The following GRIA4 variants were observed in gnomAD, a reference collection of about 807,000 sequenced individuals.
GRIA4 encodes the protein glutamate ionotropic receptor AMPA type subunit 4.
GRIA4 carries 34 observed loss-of-function variants against 104.0 expected under a neutral mutation model. The ratio of observed to expected loss-of-function variants is 0.33; its 90% CI spans 0.25 to 0.44. GRIA4 has a LOEUF of 0.44. Ranked by LOEUF, GRIA4 falls within the 20% of genes least tolerant of loss-of-function variation. The pLI, the probability that GRIA4 is intolerant of heterozygous loss-of-function variation, is 1.00. For missense variants in GRIA4, 750 were observed against 1,096.5 expected (o/e 0.68, Z 4.46); for synonymous variants, 386 against 381.9 (o/e 1.01, Z -0.13).
In GRIA4 at chr11:105,753,109, G is replaced by T. The variant is rs558432196; in HGVS notation, c.376G>T (p.Gly126Trp). The T allele has an allele frequency of 8.7e-6, 14 of 1,613,824 alleles. No homozygotes were observed. The highest frequency in any genetic ancestry group is 6.7e-5 in the East Asian group (3 of 44,826). Residue 126 changes from glycine to tryptophan, a missense_variant, in exon 4 of 17, where the codon GGG becomes TGG. By Grantham distance (184) the Gly-to-Trp change is radical. Around this residue, in one of 3 missense-constraint regions of GRIA4, gnomAD observed 410 missense variants for 502.7 expected, o/e 0.82. Transcript: ENST00000282499. ...SLITPSFPTE[G>W]ESQFVLQLRP... Reference sequence around the variant, plus strand: ...CATCACACCAAGTTTCCCTACTGAGGGGGAGAGCCAGTTTGTGCTGCAACT... The same window carrying T: ...CATCACACCAAGTTTCCCTACTGAGTGGGAGAGCCAGTTTGTGCTGCAACT...
chr11:105,702,297 A>T (rs1953526076), intron 3 of GRIA4, among the ~76,000 whole-genome samples: 1 of 152,182 alleles, frequency 6.6e-6, no homozygotes, highest in Non-Finnish European at 1.5e-5. Context: ...AATTAAATAT[A>T]AAATAAAGCA....
intron 4 of GRIA4, among the ~76,000 whole-genome samples, chr11:105,766,037 AGGG>A (rs61611231): frequency 0.14 from 20,699 of 152,186 alleles, 1,533 homozygotes; most frequent in Admixed American, 0.22. Flanking sequence ...GATTTACACA[AGGG>A]GGTGACTATG....
At chr11:105,679,678 G>T (rs911965052) in intron 3 of GRIA4, among the ~76,000 whole-genome samples, 3 of 151,676 alleles carry the variant, frequency 2.0e-5, no homozygotes, top group African/African-American at 7.3e-5. Context: ...ATAAGAACAG[G>T]AAAAAAAGAT....
At chr11:105,857,513 C>T (rs1945050021) in intron 4 of GRIA4, among the ~76,000 whole-genome samples, 1 of 152,144 alleles carries the variant, frequency 6.6e-6, no homozygotes. Flanking sequence ...TTCTCCTTCC[C>T]AAACCAGTTC....
chr11:105,735,148 T>C (rs1938853097), intron 3 of GRIA4, among the ~76,000 whole-genome samples: 1 of 152,048 alleles, frequency 6.6e-6, no homozygotes, highest in Non-Finnish European at 1.5e-5. Context: ...ACATGAAATA[T>C]TATTCAAAAA....
intron 4 of GRIA4, among the ~76,000 whole-genome samples, chr11:105,764,557 A>AC (rs1228636976): frequency 6.6e-6 from 1 of 152,086 alleles, no homozygotes; most frequent in African/African-American, 2.4e-5. Context: ...TCTTAAAAAT[A>AC]CCCTTCTAAA....
chr11:105,789,384 C>G (rs1188738384), intron 4 of GRIA4, among the ~76,000 whole-genome samples: 1 of 152,090 alleles, frequency 6.6e-6, no homozygotes, highest in Non-Finnish European at 1.5e-5. Flanking sequence ...ATGATTCAAG[C>G]CCCCATTGAT....
At chr11:105,978,206 G>T (rs1859086941) in intron 16 of GRIA4, among the ~76,000 whole-genome samples, 1 of 151,972 alleles carries the variant, frequency 6.6e-6, no homozygotes, top group East Asian at 1.9e-4. Flanking sequence ...TTTACTGAGT[G>T]CCTATTATGT....
At chr11:105,957,780 A>G (rs2136253392) in intron 14 of GRIA4, among the ~76,000 whole-genome samples, 1 of 152,148 alleles carries the variant, frequency 6.6e-6, no homozygotes, top group South Asian at 2.1e-4. Context: ...GTCCTCTTTT[A>G]TTTCATTGAG....
intron 13 of GRIA4, among the ~76,000 whole-genome samples, chr11:105,928,645 C>G (rs1232689625): frequency 6.6e-6 from 1 of 151,946 alleles, no homozygotes. Context: ...TTGCACTTTA[C>G]TGAAAATTGA....
intron 3 of GRIA4, among the ~76,000 whole-genome samples, chr11:105,738,605 A>G (rs1939106782): frequency 6.6e-6 from 1 of 152,148 alleles, no homozygotes; most frequent in African/African-American, 2.4e-5. Context: ...ATTCCATTCC[A>G]TTTTTAATTG....
intron 6 of GRIA4, among the ~76,000 whole-genome samples, chr11:105,892,851 A>C (rs1359142328): frequency 6.6e-6 from 1 of 152,176 alleles, no homozygotes; most frequent in Non-Finnish European, 1.5e-5. Context: ...CATTAATTGC[A>C]CCAGAGCTAT....
At position 105,965,439 on chromosome 11, in the gene GRIA4, G is replaced by A. The variant is rs545000447; in HGVS notation, c.2295-6475G>A. Among the ~76,000 whole-genome samples, 14 of 151,392 alleles carry A rather than the reference G, an allele frequency of 9.2e-5. No homozygotes were observed. The South Asian group carries it at 1.9e-3, about 20-fold the overall frequency. ...CCTAGATTCTGCGAACAACTAAATCGAGCACACTAAACCCACATAAAAAAT... is the reference window on the plus strand; with the variant it reads ...CCTAGATTCTGCGAACAACTAAATCAAGCACACTAAACCCACATAAAAAAT... On this transcript the variant is annotated intron_variant, in intron 14 of 16. Coordinates refer to ENST00000282499, the MANE Select transcript of GRIA4 (RefSeq NM_000829.4).
At chr11:105,759,638 T>C (rs963060430) in intron 4 of GRIA4, among the ~76,000 whole-genome samples, 3 of 152,156 alleles carry the variant, frequency 2.0e-5, no homozygotes, top group African/African-American at 7.2e-5. Context: ...CCAGAGAAAA[T>C]GGTTTTTCCA....
chr11:105,924,428 A>G lies in GRIA4; in HGVS notation c.1506A>G (p.Thr502=). 1 of 1,603,650 alleles carries G rather than the reference A, an allele frequency of 6.2e-7. No homozygotes were observed. The highest frequency in any genetic ancestry group is 1.3e-5 in the African/African-American group (1 of 74,646). The change falls in exon 12 of 17, where the codon ACA becomes ACG. Residue 502 remains threonine, a synonymous_variant. Coordinates refer to ENST00000282499, the MANE Select transcript of GRIA4 (RefSeq NM_000829.4). ...GKAEIAIAPL[T]ITLVREEVID... is the part of the protein sequence containing the mutation. ...CAGAGATTGCTATTGCCCCTCTGACAATCACTTTGGTACGAGAGGAGGTCA... is the reference window on the plus strand; with the variant it reads ...CAGAGATTGCTATTGCCCCTCTGACGATCACTTTGGTACGAGAGGAGGTCA...
At chr11:105,680,344 T>C (rs1175608369) in intron 3 of GRIA4, among the ~76,000 whole-genome samples, 2 of 152,074 alleles carry the variant, frequency 1.3e-5, no homozygotes, top group Non-Finnish European at 2.9e-5. Context: ...GTACCATATA[T>C]TGGATGTTGA....
intron 3 of GRIA4, among the ~76,000 whole-genome samples, chr11:105,702,690 CTTTCTTTTTTTTT>C (rs1953544128): frequency 1.0e-5 from 1 of 96,074 alleles, no homozygotes; most frequent in Admixed American, 1.5e-4. Flanking sequence ...AATTATTTTC[CTTTCTTTTTTTTT>C]TTTTTTTTTT....
rs145687540 is a variant in GRIA4, at chr11:105,975,404, TACTC to T, written c.2544+963_2544+966del. Among the ~76,000 whole-genome samples the T allele has an allele frequency of 5.4e-3, 823 of 152,178 alleles. 9 individuals carry two copies. The highest frequency in any genetic ancestry group is 0.019 in the African/African-American group (795 of 41,524). The stretch of plus-strand genomic sequence containing the variant: ...TTAAGCAATCCAGGTTAGCCCCACT[TACTC>T]ACATCCTCTCATCATGGCATAATAA... On this transcript the variant is annotated intron_variant, in intron 16 of 16. Coordinates refer to ENST00000282499, the MANE Select transcript of GRIA4 (RefSeq NM_000829.4).
chr11:105,910,288 T>C, intron 9 of GRIA4, 147 bp from the exon 10 acceptor site: 1 of 606,398 alleles, frequency 1.6e-6, no homozygotes, highest in Non-Finnish European at 2.9e-6. Context: ...AGAACACTTC[T>C]GAACACTTTT....
Sources: allele counts gnomAD v4.1 joint callset (sites outside exome capture counted in the v4.1 genomes callset), GRCh38; gene constraint gnomAD v4.1.1; regional missense constraint gnomAD v4.1.1; transcripts MANE v1.5; gene names NCBI Gene and HGNC (gene_info 2026-07-23, HGNC 2026-07-21).